The following IQCM variants were observed in gnomAD, a reference collection of about 807,000 sequenced individuals.
The protein encoded by IQCM is IQ motif containing M.
IQCM carries 45 observed loss-of-function variants against 57.6 expected under a neutral mutation model. That is an observed-to-expected ratio of 0.78 (90% CI 0.62 to 1.00). The LOEUF is 1.00. IQCM is among the 50% of genes least tolerant of loss of function. The pLI, the probability that IQCM is intolerant of heterozygous loss-of-function variation, is 0.00. For synonymous variants in IQCM, 148 were observed against 158.9 expected, an observed-to-expected ratio of 0.93 and a Z score of 0.51; for missense variants, 468 against 511.6, an observed-to-expected ratio of 0.91 and a Z score of 0.82.
intron 8 of IQCM, among the ~76,000 whole-genome samples, chr4:149,616,751 G>A (rs1755825720): frequency 6.6e-6 from 1 of 152,002 alleles, no homozygotes. Flanking sequence ...GTGTGGGGAG[G>A]GGAGGGAGAG....
rs556959732 is a variant in IQCM at position 149,682,733 on chromosome 4, A to C, written c.477-527T>G. On this transcript the variant is annotated intron_variant, in intron 6 of 13. Transcript: ENST00000636793. ...AGGCCAGCATTTAGGGCACTATTCT[A>C]ATCCTTTTTATATGTTTTACCTGAT... Among the ~76,000 whole-genome samples, 82 of 151,246 alleles carry C rather than the reference A, an allele frequency of 5.4e-4. 1 individual carries two copies. The South Asian group carries it at 0.015, about 28-fold the overall frequency.
chr4:149,464,751 C>T (rs1738667624), intron 12 of IQCM, among the ~76,000 whole-genome samples: 1 of 152,122 alleles, frequency 6.6e-6, no homozygotes, highest in Non-Finnish European at 1.5e-5. Context: ...TGTTCTATAT[C>T]TGTGCCACTC....
rs188100845 is a variant in IQCM, at chr4:149,468,643, G to C, written c.1229-35086C>G. On this transcript the variant is annotated intron_variant, in intron 12 of 13. Transcript: ENST00000636793. The stretch of plus-strand genomic sequence containing the variant: ...AGAGAGTAGTGGTTCTCCCAGCATG[G>C]AGTTTCAGATCTGAGAACAGACAGA... Among the ~76,000 whole-genome samples the C allele has an allele frequency of 7.4e-3, 1,120 of 152,248 alleles. 16 individuals carry two copies. Among genetic ancestry groups the C allele is most frequent in the African/African-American group, 0.025 (1,052 of 41,550 alleles).
At chr4:149,685,759 A>G (rs1056056541) in intron 6 of IQCM, among the ~76,000 whole-genome samples, 10 of 151,546 alleles carry the variant, frequency 6.6e-5, no homozygotes, top group Admixed American at 5.9e-4. Context: ...GTTCTTACCA[A>G]ATATGTGCTG....
chr4:149,410,460 A>T (rs1325656964), intron 13 of IQCM, among the ~76,000 whole-genome samples: 2 of 149,480 alleles, frequency 1.3e-5, no homozygotes, highest in African/African-American at 2.4e-5. Context: ...ATTTTTATAT[A>T]TTTTTTCATA....
At chr4:149,633,383 A>G (rs924822867) in intron 7 of IQCM, among the ~76,000 whole-genome samples, 4 of 152,248 alleles carry the variant, frequency 2.6e-5, no homozygotes, top group African/African-American at 9.6e-5. Flanking sequence ...TGTTATCAAT[A>G]TAAGTAAAAG....
chr4:149,799,812 G>C (rs1332295911), intron 2 of IQCM, among the ~76,000 whole-genome samples: 1 of 151,212 alleles, frequency 6.6e-6, no homozygotes, highest in Non-Finnish European at 1.5e-5. Context: ...TGAGTAGTAA[G>C]TAACAAGGTT....
chr4:149,362,941 GATGATTTT>G (rs1379038838), intron 13 of IQCM, among the ~76,000 whole-genome samples: 1 of 152,186 alleles, frequency 6.6e-6, no homozygotes, highest in Admixed American at 6.5e-5. Flanking sequence ...GGTAGAGTTG[GATGATTTT>G]ATGTGCTCTG....
At chr4:149,413,742 T>C (rs905747786) in intron 13 of IQCM, among the ~76,000 whole-genome samples, 1 of 152,230 alleles carries the variant, frequency 6.6e-6, no homozygotes, top group Non-Finnish European at 1.5e-5. Flanking sequence ...CACGTGCTTA[T>C]ATTTTTTAAA....
At chr4:149,386,100 G>A (rs1402483914) in intron 13 of IQCM, among the ~76,000 whole-genome samples, 1 of 152,030 alleles carries the variant, frequency 6.6e-6, no homozygotes, top group Non-Finnish European at 1.5e-5. Flanking sequence ...CTACATAAAT[G>A]TATTGGTTAG....
chr4:149,673,601 A>G (rs1172665867), intron 7 of IQCM, among the ~76,000 whole-genome samples: 3 of 152,178 alleles, frequency 2.0e-5, no homozygotes, highest in Non-Finnish European at 2.9e-5. Flanking sequence ...CACCCAATAC[A>G]GGAGCACCCA....
intron 5 of IQCM, among the ~76,000 whole-genome samples, chr4:149,715,365 G>C (rs1204437725): frequency 6.6e-6 from 1 of 152,218 alleles, no homozygotes; most frequent in Non-Finnish European, 1.5e-5. Context: ...ACTCCTGCAA[G>C]GCTGCAGCTA....
chr4:149,593,508 T>C (rs1011088073), intron 8 of IQCM, among the ~76,000 whole-genome samples: 1 of 152,126 alleles, frequency 6.6e-6, no homozygotes, highest in Non-Finnish European at 1.5e-5. Context: ...ATAAGAGTGG[T>C]GAGAGAGGGC....
chr4:149,705,258 A>T (rs1024338662), intron 5 of IQCM, among the ~76,000 whole-genome samples: 3 of 148,154 alleles, frequency 2.0e-5, no homozygotes, highest in Non-Finnish European at 4.5e-5. Flanking sequence ...ATTTATAAAA[A>T]TATATAAAAA....
chr4:149,481,204 G>A (rs1740739159), intron 12 of IQCM, among the ~76,000 whole-genome samples: 2 of 151,980 alleles, frequency 1.3e-5, no homozygotes, highest in Admixed American at 1.3e-4. Flanking sequence ...CATTCTGTGG[G>A]TTGTTTGCAC....
chr4:149,385,486 T>C (rs968108124), intron 13 of IQCM, among the ~76,000 whole-genome samples: 9 of 152,116 alleles, frequency 5.9e-5, no homozygotes, highest in African/African-American at 2.2e-4. Flanking sequence ...AAGTAAGTTA[T>C]GCCACTTTTG....
chr4:149,775,737 T>C (rs1038618492), intron 2 of IQCM, among the ~76,000 whole-genome samples: 12 of 152,150 alleles, frequency 7.9e-5, no homozygotes, highest in Non-Finnish European at 1.8e-4. Context: ...ATTTAAGTTC[T>C]AGTATCAGCC....
intron 9 of IQCM, among the ~76,000 whole-genome samples, chr4:149,565,885 T>C (rs1206571305): frequency 6.6e-6 from 1 of 152,196 alleles, no homozygotes; most frequent in African/African-American, 2.4e-5. Flanking sequence ...TATCAGTGGC[T>C]GATTCATTCT....
At chr4:149,800,678 G>A (rs1285211350) in intron 2 of IQCM, among the ~76,000 whole-genome samples, 2 of 151,898 alleles carry the variant, frequency 1.3e-5, no homozygotes. Flanking sequence ...AGAAAAAGTA[G>A]TAGCATTTCT....
Sources: allele counts gnomAD v4.1 joint callset (sites outside exome capture counted in the v4.1 genomes callset), GRCh38; gene constraint gnomAD v4.1.1; transcripts MANE v1.5; gene names NCBI Gene and HGNC (gene_info 2026-07-23, HGNC 2026-07-21).